The following SVIL variants were observed in gnomAD, a reference collection of about 807,000 sequenced individuals.
SVIL encodes supervillin.
A neutral mutation model predicts 240.4 loss-of-function variants in SVIL; 101 were observed. The ratio of observed to expected loss-of-function variants is 0.42; its 90% CI spans 0.36 to 0.50. The LOEUF (loss-of-function observed/expected upper bound fraction) is 0.50. Ranked by LOEUF, SVIL falls within the 20% of genes least tolerant of loss-of-function variation. The pLI is 0.01. For missense variants in SVIL, 2,512 were observed against 2,818.7 expected, an observed-to-expected ratio of 0.89 and a Z score of 2.46; for synonymous variants, 999 against 1,100.0, an observed-to-expected ratio of 0.91 and a Z score of 1.82.
intron 6 of SVIL, among the ~76,000 whole-genome samples, chr10:29,536,911 CAAA>C (rs59133069): frequency 1.1e-5 from 1 of 89,870 alleles, no homozygotes. Flanking sequence ...GACTCTGTCA[CAAA>C]AAAAAAAAAA....
Position 29,467,896 on chromosome 10 carries a change from G to C in SVIL, c.5844-21C>G, listed in dbSNP as rs1031757374. 3 of 1,613,696 alleles carry C rather than the reference G, an allele frequency of 1.9e-6. No homozygotes were observed. The Admixed American group carries it at 5.0e-5, about 27-fold the overall frequency. On this transcript the variant is annotated intron_variant, in intron 32 of 37. Coordinates refer to ENST00000355867, the MANE Select transcript of SVIL (RefSeq NM_021738.3). ...GACATCTGCAAGGGAGAAACTCCAA[G>C]AGTTCTTTATAAGTCTGGAGAGTGC...
rs185401167 is a variant in SVIL, at chr10:29,634,863, C to T, written c.-644G>A. The T allele has an allele frequency of 6.6e-6, 1 of 152,020 alleles. No homozygotes were observed. Among genetic ancestry groups the T allele is most frequent in the Non-Finnish European group, 1.5e-5 (1 of 68,016 alleles). 9.4% of individuals were successfully genotyped at this position (152,020 alleles called of 1,614,324 possible). A position where few individuals can be genotyped will look rare whatever the true frequency, so the allele number is the denominator to read the frequency against. ...TTGAAGTTTTTCGTCCCCTAGTGTC[C>T]TCGAGGCTGAACTTCCCCAACCTGG... On this transcript the variant is annotated 5_prime_UTR_variant, in exon 1 of 38. Coordinates refer to ENST00000355867, the MANE Select transcript of SVIL (RefSeq NM_021738.3).
intron 1 of SVIL, among the ~76,000 whole-genome samples, chr10:29,623,773 C>T (rs553446710): frequency 6.6e-6 from 1 of 152,214 alleles, no homozygotes; most frequent in South Asian, 2.1e-4. Context: ...ATGGCTTGAA[C>T]CCAGGAGGGG....
chr10:29,644,605 A>T (rs190480859), intron 3 of SVIL, among the ~76,000 whole-genome samples: 1 of 152,286 alleles, frequency 6.6e-6, no homozygotes, highest in East Asian at 1.9e-4. Context: ...CAGGAGGCGG[A>T]GCTTGCAGTG....
At chr10:29,675,340 G>C (rs1490112905) in intron 2 of SVIL, among the ~76,000 whole-genome samples, 1 of 152,154 alleles carries the variant, frequency 6.6e-6, no homozygotes, top group Non-Finnish European at 1.5e-5. Flanking sequence ...TTTCTGCAAA[G>C]AAAAAGTTAA....
chr10:29,515,825 G>A (rs1374751916), intron 16 of SVIL, among the ~76,000 whole-genome samples: 1 of 152,132 alleles, frequency 6.6e-6, no homozygotes, highest in Non-Finnish European at 1.5e-5. Flanking sequence ...CGATTTCCCT[G>A]GTGGTTGCTT....
Position 29,523,617 on chromosome 10 carries a change from T to A in SVIL, c.2997A>T (p.Gly999=). ...KESKYAVPRR[G]SLERANPPIT... is the part of the protein sequence containing the mutation. ...TGGGAGGGTTCGCCCGTTCCAGGCT[T>A]CCTCTTCTGGGAACAGCATATTTAG... The change falls in exon 15 of 38, where the codon GGA becomes GGT. Residue 999 remains glycine, a synonymous_variant. Transcript: ENST00000355867. The A allele has an allele frequency of 6.2e-7, 1 of 1,614,178 alleles. No individual in the cohort carries two copies.
intron 3 of SVIL, among the ~76,000 whole-genome samples, chr10:29,556,441 C>G (rs1363422871): frequency 6.6e-6 from 1 of 152,204 alleles, no homozygotes; most frequent in Non-Finnish European, 1.5e-5. Flanking sequence ...TACACACACA[C>G]ACATGCACGC....
chr10:29,465,330 G>A (rs952221552), intron 34 of SVIL, among the ~76,000 whole-genome samples: 11 of 152,176 alleles, frequency 7.2e-5, no homozygotes, highest in African/African-American at 2.7e-4. Context: ...CTGCCGCTGT[G>A]GTGCTCAACC....
chr10:29,491,560 A>T (rs1313486563), intron 21 of SVIL, among the ~76,000 whole-genome samples: 2 of 152,162 alleles, frequency 1.3e-5, no homozygotes, highest in Non-Finnish European at 2.9e-5. Flanking sequence ...CTGAAAAATA[A>T]CCACTTTTTG....
chr10:29,644,894 G>A (rs1958606071), intron 3 of SVIL, among the ~76,000 whole-genome samples: 1 of 151,950 alleles, frequency 6.6e-6, no homozygotes, highest in Admixed American at 6.6e-5. Context: ...GTGGGAGGAT[G>A]GGGTCTGACA....
chr10:29,529,634 AAC>A (rs1951209567), intron 12 of SVIL, 69 bp downstream of exon 12: 8 of 1,476,248 alleles, frequency 5.4e-6, no homozygotes, highest in Middle Eastern at 2.2e-4. Context: ...ATTTTCATTG[AAC>A]ACTCTTTAAA....
At chr10:29,653,497 A>G (rs1049186508) in intron 3 of SVIL, among the ~76,000 whole-genome samples, 2 of 152,162 alleles carry the variant, frequency 1.3e-5, no homozygotes, top group African/African-American at 4.8e-5. Flanking sequence ...CAATGCGAGA[A>G]TGGACTAATG....
intron 17 of SVIL, among the ~76,000 whole-genome samples, chr10:29,502,526 A>T (rs1948976314): frequency 6.6e-6 from 1 of 152,170 alleles, no homozygotes; most frequent in Admixed American, 6.6e-5. Flanking sequence ...TGGCTGGAAT[A>T]GTAAGAGAGA....
intron 1 of SVIL, among the ~76,000 whole-genome samples, chr10:29,698,812 TACAA>T (rs1325007127): frequency 2.0e-5 from 3 of 151,994 alleles, no homozygotes; most frequent in Non-Finnish European, 4.4e-5. Flanking sequence ...AGCAGATGCA[TACAA>T]ACAAAGTAAC....
chr10:29,680,402 C>A (rs1052729049), intron 2 of SVIL, among the ~76,000 whole-genome samples: 1 of 152,162 alleles, frequency 6.6e-6, no homozygotes, highest in African/African-American at 2.4e-5. Flanking sequence ...AGGTAGTATG[C>A]AACACGAGGC....
intron 1 of SVIL, among the ~76,000 whole-genome samples, chr10:29,573,916 G>A (rs924646182): frequency 6.6e-6 from 1 of 152,238 alleles, no homozygotes; most frequent in Non-Finnish European, 1.5e-5. Flanking sequence ...GGCTGCTCTC[G>A]AACTCCGGAC....
chr10:29,639,668 T>C (rs887694455), upstream of SVIL, among the ~76,000 whole-genome samples: 18 of 152,200 alleles, frequency 1.2e-4, no homozygotes, highest in African/African-American at 3.9e-4. Flanking sequence ...GGTTTCACCA[T>C]GTTGGCCAAG....
rs7909202 is a variant in SVIL at position 29,510,470 on chromosome 10, T to A, written c.3516+2265A>T. Among the ~76,000 whole-genome samples the A allele has an allele frequency of 6.1e-5, 9 of 146,958 alleles. No individual in the cohort carries two copies. The East Asian group carries it at 1.6e-3, about 25-fold the overall frequency. On this transcript the variant is annotated intron_variant, in intron 17 of 37. Transcript: ENST00000355867. ...TCTAGAGTCCCCTCTCTTTCCTGCC[T>A]CTTCTACATTTCCACAGACTGCACA... is the stretch of plus-strand genomic sequence containing the variant.
Sources: allele counts gnomAD v4.1 joint callset (sites outside exome capture counted in the v4.1 genomes callset), GRCh38; gene constraint gnomAD v4.1.1; transcripts MANE v1.5; gene names NCBI Gene and HGNC (gene_info 2026-07-23, HGNC 2026-07-21).